The following CIT variants were observed in gnomAD, a reference collection of about 807,000 sequenced individuals.
The protein encoded by CIT is citron Rho-interacting kinase.
In CIT, 79 loss-of-function variants were observed where a neutral mutation model predicts 272.7. The ratio of observed to expected loss-of-function variants is 0.29; its 90% CI spans 0.24 to 0.35. CIT has a LOEUF of 0.35. Ranked by LOEUF, CIT falls within the 10% of genes least tolerant of loss-of-function variation. The pLI is 1.00. For missense variants in CIT, 1,909 were observed against 2,618.3 expected (o/e 0.73, Z 5.91); for synonymous variants, 948 against 995.6 (o/e 0.95, Z 0.90).
chr12:119,873,778 T>TG (rs985722140), intron 2 of CIT, among the ~76,000 whole-genome samples: 5 of 3,864 alleles, frequency 1.3e-3, no homozygotes, highest in Admixed American at 0.012. Flanking sequence ...ACCAATATTT[T>TG]GGAAAAAAAA....
intron 23 of CIT, among the ~76,000 whole-genome samples, chr12:119,744,757 A>C (rs1959187580): frequency 6.6e-6 from 1 of 151,852 alleles, no homozygotes; most frequent in Middle Eastern, 3.2e-3. Flanking sequence ...ACTGAGTCAA[A>C]AATTTTAGAG....
At chr12:119,786,548 T>C (rs1964813306) in intron 10 of CIT, among the ~76,000 whole-genome samples, 1 of 152,202 alleles carries the variant, frequency 6.6e-6, no homozygotes, top group African/African-American at 2.4e-5. Context: ...AGCCCACCAT[T>C]ACCCCTGGGC....
chr12:119,828,495 G>T (rs1052122464), intron 7 of CIT, among the ~76,000 whole-genome samples: 1 of 151,826 alleles, frequency 6.6e-6, no homozygotes, highest in African/African-American at 2.4e-5. Context: ...TATTAAAAGT[G>T]AAACTGTAGT....
chr12:119,849,965 C>T (rs1351659303), intron 5 of CIT, among the ~76,000 whole-genome samples: 2 of 152,122 alleles, frequency 1.3e-5, no homozygotes, highest in East Asian at 3.9e-4. Flanking sequence ...GGATTACAGG[C>T]GTGAGCCACC....
intron 5 of CIT, among the ~76,000 whole-genome samples, chr12:119,849,287 C>T (rs375929238): frequency 2.0e-5 from 3 of 152,110 alleles, no homozygotes; most frequent in East Asian, 3.9e-4. Flanking sequence ...ATTAGTTGGG[C>T]GTGGTGACAC....
intron 41 of CIT, among the ~76,000 whole-genome samples, chr12:119,702,665 C>T (rs535159988): frequency 2.3e-4 from 35 of 149,590 alleles, no homozygotes; most frequent in African/African-American, 7.4e-4. Flanking sequence ...ACAGCCTGGG[C>T]GACAAGAGCA....
intron 30 of CIT, among the ~76,000 whole-genome samples, chr12:119,719,424 T>TA (rs1440512114): frequency 4.7e-5 from 7 of 150,038 alleles, no homozygotes; most frequent in South Asian, 4.2e-4. Flanking sequence ...AAAAGGTAAC[T>TA]AAAAAAAATA....
Position 119,704,468 on chromosome 12 carries a change from C to A in CIT, c.5212-13G>T. ...GCCCGTTCTCAATCTGAAAAGCAAC[C>A]AAGAAAAGAAAAAGACTGTCACCAG... On this transcript the variant is annotated splice_polypyrimidine_tract_variant and intron_variant, in intron 40 of 47. Coordinates refer to ENST00000392521, the MANE Select transcript of CIT (RefSeq NM_001206999.2). 1 of 1,612,762 alleles carries A rather than the reference C, an allele frequency of 6.2e-7. No individual in the cohort carries two copies. Among genetic ancestry groups the A allele is most frequent in the South Asian group, 1.1e-5 (1 of 91,018 alleles).
Position 119,718,757 on chromosome 12 carries a change from T to C in CIT, c.3945A>G (p.Ala1315=), listed in dbSNP as rs1404375900. Residue 1315 remains alanine (A), a synonymous_variant, in exon 31 of 48, where the codon GCA becomes GCG. Coordinates refer to ENST00000392521, the MANE Select transcript of CIT (RefSeq NM_001206999.2). The surrounding 1 kb of genome is among the most constrained non-coding windows in gnomAD (Gnocchi z 4.8). ...LALEKEKARC[A]ELEEALQKTR... is the part of the protein sequence containing the mutation. Reference sequence around the variant, plus strand: ...TCTTCTGAAGGGCTTCCTCTAGCTCTGCACAGCGAGCTTTCTCCTTCTCCA... The same window carrying C: ...TCTTCTGAAGGGCTTCCTCTAGCTCCGCACAGCGAGCTTTCTCCTTCTCCA... The C allele has an allele frequency of 6.2e-7, 1 of 1,614,046 alleles. No homozygotes were observed. Among genetic ancestry groups the C allele is most frequent in the African/African-American group, 1.3e-5 (1 of 74,926 alleles).
intron 5 of CIT, among the ~76,000 whole-genome samples, chr12:119,849,485 G>A (rs1426563669): frequency 1.3e-5 from 2 of 152,204 alleles, no homozygotes; most frequent in East Asian, 1.9e-4. Flanking sequence ...ATGCATGTCT[G>A]CAGTGTTTGC....
chr12:119,807,137 G>A (rs570864294), intron 9 of CIT, among the ~76,000 whole-genome samples: 3 of 152,282 alleles, frequency 2.0e-5, no homozygotes, highest in East Asian at 3.9e-4. Flanking sequence ...CAGAACCTAC[G>A]TTGTAACAAG....
At chr12:119,752,638 C>T (rs558700289) in intron 22 of CIT, among the ~76,000 whole-genome samples, 3 of 152,152 alleles carry the variant, frequency 2.0e-5, no homozygotes, top group Admixed American at 1.3e-4. Flanking sequence ...CTTTTCAATT[C>T]GATTGTAAAT....
chr12:119,855,352 G>A (rs896746611), intron 4 of CIT, among the ~76,000 whole-genome samples: 1 of 152,112 alleles, frequency 6.6e-6, no homozygotes, highest in African/African-American at 2.4e-5. Context: ...GAACCTGGGA[G>A]GCGGAGCTTG....
In CIT at chr12:119,808,195, T is replaced by C. The variant is rs552624645; in HGVS notation, c.1112-4806A>G. On this transcript the variant is annotated intron_variant, in intron 9 of 47. Coordinates refer to ENST00000392521, the MANE Select transcript of CIT (RefSeq NM_001206999.2). ...GCTTTTGAGGGGAAAAAAATTATCATCCTCAAAAATATTCGAAAAAAAACA... is the reference window on the plus strand; with the variant it reads ...GCTTTTGAGGGGAAAAAAATTATCACCCTCAAAAATATTCGAAAAAAAACA... Among the ~76,000 whole-genome samples the C allele has an allele frequency of 7.9e-5, 12 of 152,202 alleles. No individual in the cohort carries two copies. In the South Asian group the frequency reaches 2.5e-3, roughly 31 times the overall value.
At chr12:119,827,501 G>A (rs530814850) in intron 7 of CIT, among the ~76,000 whole-genome samples, 2 of 151,380 alleles carry the variant, frequency 1.3e-5, no homozygotes, top group South Asian at 2.1e-4. Context: ...GCAGTGCTGC[G>A]ATCTCAGCTC....
chr12:119,775,660 C>G (rs1199439229), intron 16 of CIT, 126 bp downstream of exon 16: 2 of 685,310 alleles, frequency 2.9e-6, no homozygotes, highest in Non-Finnish European at 5.1e-6. Context: ...CTCACTCCCC[C>G]TTCATTTTCC....
chr12:119,876,189 G>A lies in CIT; in HGVS notation c.-13-8C>T, dbSNP rs1330499340. The A allele has an allele frequency of 5.1e-6, 8 of 1,584,072 alleles. No individual in the cohort carries two copies. The South Asian group carries it at 8.9e-5, about 18-fold the overall frequency. On this transcript the variant is annotated splice_polypyrimidine_tract_variant and splice_region_variant and intron_variant, in intron 1 of 47. Coordinates refer to ENST00000392521, the MANE Select transcript of CIT (RefSeq NM_001206999.2). Reference sequence around the variant, plus strand: ...AACATCTCCCCACTGGCGCTGAAAGGATATCAGAAAAGTCAAGTGTGTCCT... The same window carrying A: ...AACATCTCCCCACTGGCGCTGAAAGAATATCAGAAAAGTCAAGTGTGTCCT...
In CIT at chr12:119,687,977, G is replaced by C. The variant is rs1955669172; in HGVS notation, c.*255C>G. On this transcript the variant is annotated 3_prime_UTR_variant, in exon 48 of 48. Coordinates refer to ENST00000392521, the MANE Select transcript of CIT (RefSeq NM_001206999.2). ...AGGTACAAAAGTTTGTGAATGCTTT[G>C]AAAGAGTAACAAAGTGCAAAGAGAT... 3.7e-6 allele frequency: 2 copies of C among 545,482 alleles called. No homozygotes were observed. The allele number at this position is 545,482 out of a possible 1,614,324, so 33.8% of individuals were successfully genotyped here.
At position 119,697,768 on chromosome 12, in the gene CIT, T is replaced by C. The variant is rs201605929; in HGVS notation, c.5773A>G (p.Ile1925Val). 47 of 1,614,016 alleles carry C rather than the reference T, an allele frequency of 2.9e-5. No individual in the cohort carries two copies. Among genetic ancestry groups the C allele is most frequent in the Non-Finnish European group, 3.8e-5 (45 of 1,180,022 alleles). ...TCCTGGTATGAGGACGCCAAGTAAA[T>C]CGCTCCTGAGGAAATGGCAGGGCCC... Reference protein sequence around the residue: ...YLGPAISSGAIYLASSYQDKL... With the variant: ...YLGPAISSGAVYLASSYQDKL... The change falls in exon 46 of 48, where the codon ATT (isoleucine) becomes GTT (valine). Residue 1925 changes from isoleucine (I) to valine (V), a missense_variant. By Grantham distance (29) the Ile-to-Val change is conservative (BLOSUM62 3). Coordinates refer to ENST00000392521, the MANE Select transcript of CIT (RefSeq NM_001206999.2). This position sits in a 1 kb window ranked among gnomAD's most constrained non-coding sequence, Gnocchi z 4.9.
Sources: gnomAD v4.1 joint callset for allele counts (sites outside exome capture counted in the v4.1 genomes callset) on GRCh38, gnomAD v4.1.1 for gene constraint, Gnocchi (gnomAD v3.1) non-coding constraint, MANE v1.5 for transcripts, NCBI Gene and HGNC (gene_info 2026-07-23, HGNC 2026-07-21) for gene names.